SUCLG2: variants seen among roughly 807,000 people sequenced by gnomAD.
The protein encoded by SUCLG2 is succinate--CoA ligase [GDP-forming] subunit beta, mitochondrial.
SUCLG2 carries 42 observed loss-of-function variants against 47.9 expected under a neutral mutation model. The ratio of observed to expected loss-of-function variants is 0.88; its 90% CI spans 0.69 to 1.14. The LOEUF (loss-of-function observed/expected upper bound fraction) is 1.14, where lower values mean the gene tolerates loss of function less well. Ranked by LOEUF, SUCLG2 falls within the 50% of genes most tolerant of loss-of-function variation. The pLI is 0.00. For missense variants in SUCLG2, 571 were observed against 525.9 expected, an observed-to-expected ratio of 1.09 and a Z score of -0.84; for synonymous variants, 195 against 197.3, an observed-to-expected ratio of 0.99 and a Z score of 0.10.
rs779520733 is a variant in SUCLG2, at chr3:67,580,669, G to A, written c.226+28786C>T. Among the ~76,000 whole-genome samples the A allele has an allele frequency of 5.9e-5, 9 of 152,104 alleles. No homozygotes were observed. The East Asian group carries it at 7.7e-4, about 13-fold the overall frequency. On this transcript the variant is annotated intron_variant, in intron 2 of 10. Coordinates refer to ENST00000307227, the MANE Select transcript of SUCLG2 (RefSeq NM_003848.4). ...ACTATTATCTCTACTTCCAGGGTGC[G>A]AACGTTACCTATGGGTCATAAAATT...
chr3:67,434,762 G>A (rs912747772), intron 9 of SUCLG2, among the ~76,000 whole-genome samples: 2 of 152,094 alleles, frequency 1.3e-5, no homozygotes, highest in African/African-American at 4.8e-5. Context: ...TCATATATAT[G>A]TGACTATGTA....
intron 1 of SUCLG2, among the ~76,000 whole-genome samples, chr3:67,617,810 C>A (rs1700657085): frequency 6.6e-6 from 1 of 152,116 alleles, no homozygotes; most frequent in Non-Finnish European, 1.5e-5. Flanking sequence ...TGCAAATAAA[C>A]TGGAACAGTG....
chr3:67,384,232 T>C (rs1350926641), intron 10 of SUCLG2, among the ~76,000 whole-genome samples: 1 of 152,192 alleles, frequency 6.6e-6, no homozygotes, highest in African/African-American at 2.4e-5. Flanking sequence ...AAATTCTTAC[T>C]TGACTCTCAC....
At chr3:67,452,877 C>T (rs1385583255) in intron 9 of SUCLG2, among the ~76,000 whole-genome samples, 1 of 152,190 alleles carries the variant, frequency 6.6e-6, no homozygotes, top group Non-Finnish European at 1.5e-5. Context: ...ATCTTGGTAA[C>T]ACATATAAGA....
intron 9 of SUCLG2, among the ~76,000 whole-genome samples, chr3:67,421,226 G>A (rs144973541): frequency 6.6e-6 from 1 of 152,194 alleles, no homozygotes; most frequent in East Asian, 1.9e-4. Context: ...AAGACCCACT[G>A]TCATTAAAGA....
intron 10 of SUCLG2, among the ~76,000 whole-genome samples, chr3:67,377,118 G>A (rs542976916): frequency 6.6e-6 from 1 of 152,330 alleles, no homozygotes; most frequent in East Asian, 1.9e-4. Context: ...CAAAAACTAT[G>A]AGTAGTCCTA....
At chr3:67,383,582 C>T (rs930397717) in intron 10 of SUCLG2, among the ~76,000 whole-genome samples, 5 of 152,164 alleles carry the variant, frequency 3.3e-5, no homozygotes, top group African/African-American at 1.2e-4. Context: ...CGGACCATCA[C>T]AGCAGGAGCC....
At position 67,488,128 on chromosome 3, in the gene SUCLG2, A is replaced by T. The variant is rs547897537; in HGVS notation, c.1062+7670T>A. Among the ~76,000 whole-genome samples the T allele has an allele frequency of 1.1e-4, 17 of 151,950 alleles. No homozygotes were observed. The South Asian group carries it at 2.3e-3, about 20-fold the overall frequency. The stretch of plus-strand genomic sequence containing the variant: ...GTGTGTGTATATATATATATTTTTT[A>T]AAAAGGTATATATAAATATATCTGT... On this transcript the variant is annotated intron_variant, in intron 9 of 10. Coordinates refer to ENST00000307227, the MANE Select transcript of SUCLG2 (RefSeq NM_003848.4).
intron 9 of SUCLG2, among the ~76,000 whole-genome samples, chr3:67,422,473 CAAAAAAAAAAAAAAAAAAAAA>C (rs58345420): frequency 6.5e-5 from 2 of 30,662 alleles, no homozygotes; most frequent in South Asian, 3.1e-3. Context: ...GACTCCATCT[CAAAAAAAAAAAAAAAAAAAAA>C]AAAAAAAAAG....
In SUCLG2 at chr3:67,607,091, C is replaced by T. The variant is rs546471980; in HGVS notation, c.226+2364G>A. 2.0e-5 allele frequency among the ~76,000 whole-genome samples: 3 copies of T among 152,286 alleles called. No homozygotes were observed. The East Asian group carries it at 5.8e-4, about 29-fold the overall frequency. The stretch of plus-strand genomic sequence containing the variant: ...TCAACCTGTGCTACTGATACCTGGA[C>T]AAGACTGAGTAGCAGACGCACAACT... On this transcript the variant is annotated intron_variant, in intron 2 of 10. Coordinates refer to ENST00000307227, the MANE Select transcript of SUCLG2 (RefSeq NM_003848.4).
chr3:67,622,548 C>T (rs559176982), intron 1 of SUCLG2, among the ~76,000 whole-genome samples: 16 of 152,274 alleles, frequency 1.1e-4, no homozygotes, highest in Admixed American at 4.6e-4. Flanking sequence ...CCACAGATGA[C>T]TGTGATATTA....
intron 1 of SUCLG2, among the ~76,000 whole-genome samples, chr3:67,625,881 AG>A (rs1341922967): frequency 6.6e-6 from 1 of 150,890 alleles, no homozygotes; most frequent in African/African-American, 2.5e-5. Context: ...TAGCAGCACT[AG>A]GGGAAAAAAA....
intron 2 of SUCLG2, among the ~76,000 whole-genome samples, chr3:67,564,892 A>G (rs1707410581): frequency 6.6e-6 from 1 of 152,172 alleles, no homozygotes; most frequent in South Asian, 2.1e-4. Flanking sequence ...CTTTCGTGCT[A>G]TTTATAATCT....
chr3:67,456,816 T>C (rs2106948368), intron 9 of SUCLG2, among the ~76,000 whole-genome samples: 1 of 152,256 alleles, frequency 6.6e-6, no homozygotes, highest in Admixed American at 6.5e-5. Flanking sequence ...TAAAAGCAAA[T>C]GCACATATTT....
intron 2 of SUCLG2, among the ~76,000 whole-genome samples, chr3:67,561,461 C>T (rs1171297605): frequency 1.3e-5 from 2 of 152,136 alleles, no homozygotes; most frequent in Non-Finnish European, 2.9e-5. Flanking sequence ...AAAAAATATC[C>T]TCTTGTGTGG....
At chr3:67,405,443 A>G (rs1444702574) in intron 9 of SUCLG2, among the ~76,000 whole-genome samples, 1 of 152,230 alleles carries the variant, frequency 6.6e-6, no homozygotes, top group Non-Finnish European at 1.5e-5. Flanking sequence ...TCTTCTTTGG[A>G]ACATGGATCC....
At chr3:67,572,858 A>C (rs547251349) in intron 2 of SUCLG2, among the ~76,000 whole-genome samples, 1 of 152,350 alleles carries the variant, frequency 6.6e-6, no homozygotes, top group South Asian at 2.1e-4. Context: ...TCACACTGGA[A>C]AAAAACAAAA....
chr3:67,525,139 A>G (rs1706219214), intron 4 of SUCLG2, among the ~76,000 whole-genome samples: 1 of 152,202 alleles, frequency 6.6e-6, no homozygotes, highest in African/African-American at 2.4e-5. Flanking sequence ...AGGAGACCTA[A>G]AAGAAGGAGA....
At chr3:67,565,733 C>A (rs546820182) in intron 2 of SUCLG2, among the ~76,000 whole-genome samples, 4 of 152,296 alleles carry the variant, frequency 2.6e-5, no homozygotes, top group Admixed American at 6.5e-5. Flanking sequence ...GGTGCAGGAA[C>A]AATGTCTCAT....
Sources: gnomAD v4.1 joint callset for allele counts (sites outside exome capture counted in the v4.1 genomes callset) on GRCh38, gnomAD v4.1.1 for gene constraint, MANE v1.5 for transcripts, NCBI Gene and HGNC (gene_info 2026-07-23, HGNC 2026-07-21) for gene names.